Variants in ATP13A3 observed in about 807,000 individuals in gnomAD.
ATP13A3 encodes the protein polyamine-transporting ATPase 13A3.
In ATP13A3, 59 loss-of-function variants were observed where a neutral mutation model predicts 158.1. The ratio of observed to expected loss-of-function variants is 0.37; its 90% confidence interval spans 0.30 to 0.46. ATP13A3 has a LOEUF of 0.46. Among genes scored for constraint, ATP13A3 ranks in the 20% least tolerant of loss-of-function variants. The probability of loss-of-function intolerance (pLI) is 1.00; values close to 1 mark genes in which losing one functional copy is unlikely to be tolerated. For missense variants in ATP13A3, 1,166 were observed against 1,525.2 expected, an observed-to-expected ratio of 0.76 and a Z score of 3.92; for synonymous variants, 491 against 504.3, an observed-to-expected ratio of 0.97 and a Z score of 0.35.
chr3:194,419,713 T>G (rs192300556), intron 31 of ATP13A3, 166 bp downstream of exon 31: 493 of 874,460 alleles, frequency 5.6e-4, no homozygotes, highest in Middle Eastern at 4.2e-3. Flanking sequence ...TAAACAGGTA[T>G]AGCTAAGAAA....
intron 3 of ATP13A3, among the ~76,000 whole-genome samples, chr3:194,461,113 A>G (rs1472573629): frequency 6.6e-6 from 1 of 152,126 alleles, no homozygotes; most frequent in Admixed American, 6.5e-5. Flanking sequence ...TATTTAGTAC[A>G]CTTCCCTAGA....
At chr3:194,423,146 T>A (rs1301700148) in intron 30 of ATP13A3, among the ~76,000 whole-genome samples, 1 of 152,008 alleles carries the variant, frequency 6.6e-6, no homozygotes, top group East Asian at 1.9e-4. Flanking sequence ...TAAGTGCATA[T>A]CATGACCCTT....
intron 16 of ATP13A3, 42 bp from the exon 17 acceptor site, chr3:194,439,014 T>C (rs974881452): frequency 1.6e-6 from 2 of 1,263,010 alleles, no homozygotes; most frequent in Non-Finnish European, 2.2e-6. Flanking sequence ...AAACACAACA[T>C]TCAAGCACTG....
At chr3:194,419,737 A>G in intron 31 of ATP13A3, 142 bp downstream of exon 31, 1 of 1,329,190 alleles carries the variant, frequency 7.5e-7, no homozygotes, top group Non-Finnish European at 9.8e-7. Flanking sequence ...TGCTATTTTC[A>G]TTAGGTTCTT....
At chr3:194,436,751 G>A (rs1181927192) in intron 20 of ATP13A3, among the ~76,000 whole-genome samples, 1 of 152,248 alleles carries the variant, frequency 6.6e-6, no homozygotes, top group Non-Finnish European at 1.5e-5. Context: ...GGGAGGATGA[G>A]GCACAAGAAT....
intron 2 of ATP13A3, among the ~76,000 whole-genome samples, chr3:194,470,631 G>C (rs1720258713): frequency 6.6e-6 from 1 of 152,060 alleles, no homozygotes; most frequent in Non-Finnish European, 1.5e-5. Flanking sequence ...AAAACAGTTT[G>C]CATTCTCAAA....
intron 2 of ATP13A3, among the ~76,000 whole-genome samples, chr3:194,466,671 T>C (rs1477625347): frequency 6.6e-6 from 1 of 152,068 alleles, no homozygotes; most frequent in African/African-American, 2.4e-5. Flanking sequence ...TTGTTGATAA[T>C]AGAAAAGGTT....
chr3:194,460,806 C>G lies in ATP13A3; in HGVS notation c.77G>C (p.Arg26Pro). The G allele has an allele frequency of 1.9e-6, 3 of 1,613,916 alleles. No homozygotes were observed. Among genetic ancestry groups the G allele is most frequent in the Non-Finnish European group, 2.5e-6 (3 of 1,179,892 alleles). Residue 26 changes from arginine (R) to proline (P), a missense_variant, in exon 4 of 34, where the codon CGC (arginine) becomes CCC (proline). Transcript: ENST00000645319. The stretch of plus-strand genomic sequence containing the variant: ...TAAAGAAACTATGGCAAGCTTCCAG[C>G]GACTCAAATTGTAACCATAAATCTC... ...EMEIYGYNLS[R>P]WKLAIVSLGV...
At chr3:194,478,064 A>C (rs572403159) in intron 2 of ATP13A3, among the ~76,000 whole-genome samples, 2 of 152,308 alleles carry the variant, frequency 1.3e-5, no homozygotes, top group East Asian at 3.9e-4. Flanking sequence ...GAAAAAGGTA[A>C]ATTAAATCAG....
intron 31 of ATP13A3, among the ~76,000 whole-genome samples, chr3:194,415,399 C>A (rs933687007): frequency 1.3e-5 from 2 of 152,018 alleles, no homozygotes; most frequent in Non-Finnish European, 2.9e-5. Flanking sequence ...GACATGTGCA[C>A]CAGGAGAGAA....
At chr3:194,492,341 C>T (rs1471095681) in intron 2 of ATP13A3, among the ~76,000 whole-genome samples, 1 of 152,058 alleles carries the variant, frequency 6.6e-6, no homozygotes, top group Admixed American at 6.6e-5. Context: ...AGTTGTCCCT[C>T]GATATCTACA....
At chr3:194,433,966 G>C in intron 20 of ATP13A3, 70 bp from the exon 21 acceptor site, 1 of 1,430,142 alleles carries the variant, frequency 7.0e-7, no homozygotes, top group East Asian at 2.3e-5. Flanking sequence ...ACACAAACTT[G>C]AAATATCTAA....
intron 2 of ATP13A3, among the ~76,000 whole-genome samples, chr3:194,483,065 C>T (rs1456355379): frequency 6.6e-6 from 1 of 151,150 alleles, no homozygotes; most frequent in Non-Finnish European, 1.5e-5. Flanking sequence ...GGAGATCGCG[C>T]CTCTGCACTC....
At chr3:194,468,087 CA>C (rs1339982014) in intron 2 of ATP13A3, 1 of 151,890 alleles carries the variant, frequency 6.6e-6, no homozygotes, top group Non-Finnish European at 1.5e-5. Context: ...AATTTTATGC[CA>C]AATATTTCTG....
At chr3:194,452,594 T>C (rs2039877) in intron 10 of ATP13A3, 35,866 of 152,198 alleles carry the variant, frequency 0.24, 5,047 homozygotes, top group African/African-American at 0.4. Context: ...ATCCATCATT[T>C]ATAGTTGCTG....
Position 194,419,981 on chromosome 3 carries a change from CAAAAGT to C in ATP13A3, c.3314-20_3314-15del. ...AAACAAAAAAATCTGGAAAAGACAG[CAAAAGT>C]AAAACAAGTAAATTAGGAAATTCCT... On this transcript the variant is annotated splice_polypyrimidine_tract_variant and intron_variant, in intron 30 of 33. Transcript: ENST00000645319. The C allele has an allele frequency of 2.7e-6, 4 of 1,509,212 alleles. No homozygotes were observed. The highest frequency in any genetic ancestry group is 2.6e-6 in the Non-Finnish European group (3 of 1,138,944). 93.5% of individuals were successfully genotyped at this position (1,509,212 alleles called of 1,614,324 possible). A position where few individuals can be genotyped will look rare whatever the true frequency, so the allele number is the denominator to read the frequency against.
At chr3:194,480,186 C>CT (rs762430831) in intron 2 of ATP13A3, among the ~76,000 whole-genome samples, 2 of 152,178 alleles carry the variant, frequency 1.3e-5, no homozygotes, top group Non-Finnish European at 2.9e-5. Context: ...TTTATCACCT[C>CT]TATCTGGCAA....
chr3:194,426,172 C>A (rs73071106), intron 29 of ATP13A3, among the ~76,000 whole-genome samples: 3,417 of 151,964 alleles, frequency 0.022, 117 homozygotes, highest in African/African-American at 0.078. Flanking sequence ...GGAAGATTCT[C>A]AAGAAAATTC....
chr3:194,434,983 T>A (rs542978824), intron 20 of ATP13A3, among the ~76,000 whole-genome samples: 1 of 152,154 alleles, frequency 6.6e-6, no homozygotes, highest in Non-Finnish European at 1.5e-5. Context: ...AATTATATCA[T>A]AGAAATTTTT....
Sources: allele counts gnomAD v4.1 joint callset (sites outside exome capture counted in the v4.1 genomes callset), GRCh38; gene constraint gnomAD v4.1.1; transcripts MANE v1.5; gene names NCBI Gene and HGNC (gene_info 2026-07-23, HGNC 2026-07-21).